Variants in SCHIP1 observed in about 807,000 individuals in gnomAD.
SCHIP1 encodes the protein schwannomin-interacting protein 1.
In SCHIP1, 8 loss-of-function variants were observed where a neutral mutation model predicts 29.7. The observed-to-expected ratio is 0.27, with a 90% CI of 0.16 to 0.49. The LOEUF is 0.49. Ranked by LOEUF, SCHIP1 falls within the 20% of genes least tolerant of loss-of-function variation. SCHIP1 has a pLI of 0.99. For synonymous variants in SCHIP1, 76 were observed against 94.9 expected (o/e 0.80, Z 1.16); for missense variants, 193 against 294.6 (o/e 0.66, Z 2.52).
At chr3:159,843,846 A>AAAATAAG (rs150055870) in intron 1 of SCHIP1, among the ~76,000 whole-genome samples, 1 of 140,054 alleles carries the variant, frequency 7.1e-6, no homozygotes, top group Non-Finnish European at 1.5e-5. Flanking sequence ...AAAAAAAAAA[A>AAAATAAG]GCATTGTAAA....
the SCHIP1 span, among the ~76,000 whole-genome samples, chr3:159,574,759 G>A: frequency 1.3e-5 from 2 of 152,186 alleles, no homozygotes; most frequent in Admixed American, 1.3e-4. Flanking sequence ...AGCTGCAGTG[G>A]GCTCCACCCA....
the SCHIP1 span, among the ~76,000 whole-genome samples, chr3:159,415,831 T>C: frequency 2.0e-5 from 3 of 152,218 alleles, no homozygotes; most frequent in African/African-American, 7.2e-5. Context: ...GCCTGGCACA[T>C]AGTAAGTACT....
the SCHIP1 span, among the ~76,000 whole-genome samples, chr3:159,734,787 C>CTTTTTTTTTTTTTTTT: frequency 4.8e-4 from 53 of 110,462 alleles, no homozygotes; most frequent in Non-Finnish European, 6.4e-4. Flanking sequence ...CTTTTCTTGT[C>CTTTTTTTTTTTTTTTT]TTTTTTTTTT....
chr3:159,423,592 G>T, the SCHIP1 span, among the ~76,000 whole-genome samples: 1 of 152,202 alleles, frequency 6.6e-6, no homozygotes, highest in Non-Finnish European at 1.5e-5. Flanking sequence ...AGCTCAAGGA[G>T]GCCTGCCTGC....
At chr3:159,626,788 G>A in the SCHIP1 span, among the ~76,000 whole-genome samples, 1 of 152,164 alleles carries the variant, frequency 6.6e-6, no homozygotes, top group African/African-American at 2.4e-5. Context: ...CTCCTAGATT[G>A]CATTCCTGTC....
At chr3:159,715,076 G>T in the SCHIP1 span, among the ~76,000 whole-genome samples, 1 of 152,182 alleles carries the variant, frequency 6.6e-6, no homozygotes, top group African/African-American at 2.4e-5. Context: ...AGCAACATTT[G>T]CCATTCTGCA....
At chr3:159,468,774 TA>T in the SCHIP1 span, among the ~76,000 whole-genome samples, 603 of 127,610 alleles carry the variant, frequency 4.7e-3, 6 homozygotes, top group African/African-American at 0.016. Context: ...TATATATATA[TA>T]TATTTTTTTT....
the SCHIP1 span, chr3:159,274,629 T>C: frequency 2.4e-6 from 2 of 831,196 alleles, no homozygotes; most frequent in Non-Finnish European, 2.9e-6. Flanking sequence ...TCTATGATAT[T>C]ATTATATGAC....
chr3:159,674,936 T>C, the SCHIP1 span, among the ~76,000 whole-genome samples: 1 of 152,102 alleles, frequency 6.6e-6, no homozygotes, highest in African/African-American at 2.4e-5. Flanking sequence ...GGGAGCAACT[T>C]TGTGCCAACC....
the SCHIP1 span, among the ~76,000 whole-genome samples, chr3:159,279,981 T>C: frequency 6.6e-6 from 1 of 152,280 alleles, no homozygotes. Flanking sequence ...GGCCATGCCA[T>C]TGACTGGTTT....
chr3:159,743,490 G>A, the SCHIP1 span, among the ~76,000 whole-genome samples: 2 of 152,324 alleles, frequency 1.3e-5, no homozygotes, highest in African/African-American at 2.4e-5. Flanking sequence ...GTTACATACT[G>A]TATGATTCCA....
the SCHIP1 span, among the ~76,000 whole-genome samples, chr3:159,343,080 T>TA: frequency 6.6e-6 from 1 of 152,218 alleles, no homozygotes; most frequent in African/African-American, 2.4e-5. Flanking sequence ...AGATCACTCT[T>TA]ATTTCACCCT....
chr3:159,355,199 T>TGCACACAC, the SCHIP1 span, among the ~76,000 whole-genome samples: 1 of 151,876 alleles, frequency 6.6e-6, no homozygotes, highest in African/African-American at 2.4e-5. Flanking sequence ...CAGGCACACA[T>TGCACACAC]GCACACACAC....
At chr3:159,401,751 G>A in the SCHIP1 span, among the ~76,000 whole-genome samples, 1 of 152,124 alleles carries the variant, frequency 6.6e-6, no homozygotes, top group Non-Finnish European at 1.5e-5. Context: ...GAATGGTATT[G>A]CCTAGGTTTT....
At chr3:159,386,546 T>C in the SCHIP1 span, among the ~76,000 whole-genome samples, 1 of 151,924 alleles carries the variant, frequency 6.6e-6, no homozygotes, top group Non-Finnish European at 1.5e-5. Context: ...AAAAATACTT[T>C]AAATTTCATA....
the SCHIP1 span, among the ~76,000 whole-genome samples, chr3:159,597,544 C>A: frequency 6.6e-6 from 1 of 152,064 alleles, no homozygotes; most frequent in African/African-American, 2.4e-5. Flanking sequence ...ATTTTTGGAC[C>A]TGGCTTATTT....
chr3:159,654,897 CAGTA>C, the SCHIP1 span, among the ~76,000 whole-genome samples: 1 of 151,092 alleles, frequency 6.6e-6, no homozygotes, highest in Non-Finnish European at 1.5e-5. Context: ...AGCTGGTTGA[CAGTA>C]AGCAGTGCTG....
the SCHIP1 span, among the ~76,000 whole-genome samples, chr3:159,424,205 C>T: frequency 5.3e-5 from 8 of 152,048 alleles, no homozygotes; most frequent in Non-Finnish European, 1.0e-4. Flanking sequence ...ATGACTTTGA[C>T]GAGTTGAGAG....
the SCHIP1 span, among the ~76,000 whole-genome samples, chr3:159,548,137 T>A: frequency 1.3e-5 from 2 of 152,040 alleles, no homozygotes; most frequent in Non-Finnish European, 2.9e-5. Context: ...AGAAATTACA[T>A]TTTTTTGTTG....
Sources: allele counts gnomAD v4.1 joint callset (sites outside exome capture counted in the v4.1 genomes callset), GRCh38; gene constraint gnomAD v4.1.1; transcripts MANE v1.5; gene names NCBI Gene and HGNC (gene_info 2026-07-23, HGNC 2026-07-21).